The following TBC1D14 variants were observed in gnomAD, a reference collection of about 807,000 sequenced individuals.
The protein encoded by TBC1D14 is TBC1 domain family member 14, also known as TBC1 domain family, member 14.
A neutral mutation model predicts 79.0 loss-of-function variants in TBC1D14; 26 were observed. The ratio of observed to expected loss-of-function variants is 0.33; its 90% confidence interval spans 0.24 to 0.46. The LOEUF is 0.46. Among genes scored for constraint, TBC1D14 ranks in the 20% least tolerant of loss-of-function variants. TBC1D14 has a pLI of 1.00. For missense variants in TBC1D14, 769 were observed against 887.6 expected (o/e 0.87, Z 1.70); for synonymous variants, 394 against 349.9 (o/e 1.13, Z -1.40).
chr4:6,939,565 G>T (rs1712703784), intron 2 of TBC1D14, among the ~76,000 whole-genome samples: 1 of 152,114 alleles, frequency 6.6e-6, no homozygotes, highest in South Asian at 2.1e-4. Flanking sequence ...CCCGGTCCTG[G>T]GGATGTAGTG....
At chr4:6,987,129 G>GA (rs889571212) in intron 3 of TBC1D14, 4 of 1,191,644 alleles carry the variant, frequency 3.4e-6, no homozygotes, top group African/African-American at 3.2e-5. Context: ...GCCCCCTTGG[G>GA]AGTCTCCAGC....
chr4:6,987,503 C>G, intron 3 of TBC1D14: 1 of 649,634 alleles, frequency 1.5e-6, no homozygotes. Flanking sequence ...GCGAGCATCA[C>G]GTGTATCTGT....
intron 12 of TBC1D14, among the ~76,000 whole-genome samples, chr4:7,023,349 T>C (rs1335540946): frequency 6.6e-6 from 1 of 152,214 alleles, no homozygotes; most frequent in Non-Finnish European, 1.5e-5. Context: ...AGGGAGAGTC[T>C]GATTTCCATG....
intron 3 of TBC1D14, among the ~76,000 whole-genome samples, chr4:6,984,131 T>TG (rs1717615594): frequency 6.9e-6 from 1 of 143,982 alleles, no homozygotes; most frequent in Non-Finnish European, 1.5e-5. Context: ...TGGGGTGGGT[T>TG]GGGAAGACTC....
intron 9 of TBC1D14, 149 bp downstream of exon 9, chr4:7,006,875 GA>G: frequency 1.7e-6 from 1 of 602,288 alleles, no homozygotes; most frequent in Admixed American, 3.3e-5. Context: ...AATACATTTA[GA>G]CTTTTTAAAA....
rs565965814 is a variant in TBC1D14 at position 7,015,498 on chromosome 4, A to T, written c.1757+941A>T. ...GCCTGCGGGACATGTGAGTACAGGC[A>T]TCCTGAGACAGATACAAGGATCCTG... is the stretch of plus-strand genomic sequence containing the variant. On this transcript the variant is annotated intron_variant, in intron 12 of 13. Transcript: ENST00000409757. Among the ~76,000 whole-genome samples, 3 of 152,286 alleles carry T rather than the reference A, an allele frequency of 2.0e-5. No individual in the cohort carries two copies. In the South Asian group the frequency reaches 6.2e-4, roughly 32 times the overall value.
intron 13 of TBC1D14, among the ~76,000 whole-genome samples, chr4:7,029,836 AAAG>A (rs1202882391): frequency 3.9e-5 from 6 of 152,182 alleles, no homozygotes; most frequent in Non-Finnish European, 7.4e-5. Context: ...AAAAGAAGAA[AAAG>A]AAGGATGTTG....
At chr4:7,022,179 C>A (rs1721899089) in intron 12 of TBC1D14, among the ~76,000 whole-genome samples, 1 of 152,262 alleles carries the variant, frequency 6.6e-6, no homozygotes, top group South Asian at 2.1e-4. Context: ...GCCCTTGAGG[C>A]ACTTCCAGCC....
chr4:7,006,625 T>C lies in TBC1D14; in HGVS notation c.1352-7T>C, dbSNP rs1456823568. 2.5e-6 allele frequency: 4 copies of C among 1,613,306 alleles called. No individual in the cohort carries two copies. The highest frequency in any genetic ancestry group is 3.4e-6 in the Non-Finnish European group (4 of 1,179,608). On this transcript the variant is annotated splice_region_variant and splice_polypyrimidine_tract_variant and intron_variant, in intron 8 of 13. Transcript: ENST00000409757. ...GGAATGTAATTATTTTTGGCATCTTTTGACAGATGCTGGTTTTTCAGCAGC... is the reference window on the plus strand; with the variant it reads ...GGAATGTAATTATTTTTGGCATCTTCTGACAGATGCTGGTTTTTCAGCAGC...
chr4:6,933,245 T>A (rs1469319959), intron 2 of TBC1D14, among the ~76,000 whole-genome samples: 2 of 7,762 alleles, frequency 2.6e-4, no homozygotes, highest in African/African-American at 4.9e-4. Flanking sequence ...TTACCTCCCC[T>A]CCCCTCCCCT....
chr4:6,952,830 GTTT>G (rs1160331828), intron 2 of TBC1D14, among the ~76,000 whole-genome samples: 3 of 150,950 alleles, frequency 2.0e-5, no homozygotes, highest in African/African-American at 7.3e-5. Context: ...GTTTAGACTA[GTTT>G]TTTTTTGTTG....
At chr4:6,957,324 A>G (rs1265571489) in intron 2 of TBC1D14, among the ~76,000 whole-genome samples, 1 of 152,254 alleles carries the variant, frequency 6.6e-6, no homozygotes, top group Non-Finnish European at 1.5e-5. Flanking sequence ...GTTTACAGTA[A>G]ATTCCATGGG....
rs75626204 is a variant in TBC1D14 at position 7,017,750 on chromosome 4, C to T, written c.1757+3193C>T. Among the ~76,000 whole-genome samples, 215 of 152,280 alleles carry T rather than the reference C, an allele frequency of 1.4e-3. 1 individual carries two copies. Among genetic ancestry groups the T allele is most frequent in the South Asian group, 9.7e-3 (47 of 4,822 alleles). On this transcript the variant is annotated intron_variant, in intron 12 of 13. Transcript: ENST00000409757. Reference sequence around the variant, plus strand: ...CACCAGCTAGGATACAGTCTGTTTTCGCAGTTCCAGTACAGGGCAAGGCAT... The same window carrying T: ...CACCAGCTAGGATACAGTCTGTTTTTGCAGTTCCAGTACAGGGCAAGGCAT...
intron 3 of TBC1D14, among the ~76,000 whole-genome samples, chr4:6,978,295 G>C (rs2109086812): frequency 6.6e-6 from 1 of 151,092 alleles, no homozygotes; most frequent in South Asian, 2.1e-4. Context: ...TTGTGGAATA[G>C]AAAGGGGGGA....
chr4:6,914,898 G>A lies in TBC1D14; in HGVS notation c.-18+4947G>A, dbSNP rs558748601. Among the ~76,000 whole-genome samples the A allele has an allele frequency of 9.9e-5, 15 of 152,250 alleles. No homozygotes were observed. The East Asian group carries it at 2.9e-3, about 29-fold the overall frequency. ...TACTAAAAATACAAAAATTAGCCGGGCGTGGTGGTGGGCGGCTGTAATCCC... is the reference window on the plus strand; with the variant it reads ...TACTAAAAATACAAAAATTAGCCGGACGTGGTGGTGGGCGGCTGTAATCCC... On this transcript the variant is annotated intron_variant, in intron 1 of 13. Transcript: ENST00000409757.
At chr4:6,936,678 A>C (rs575257180) in intron 2 of TBC1D14, among the ~76,000 whole-genome samples, 17 of 152,320 alleles carry the variant, frequency 1.1e-4, no homozygotes, top group Admixed American at 3.3e-4. Flanking sequence ...ATGGTAAAGT[A>C]TGTTTAGTTT....
intron 3 of TBC1D14, among the ~76,000 whole-genome samples, chr4:6,992,045 T>C (rs555223804): frequency 5.1e-4 from 78 of 152,340 alleles, no homozygotes; most frequent in African/African-American, 1.9e-3. Context: ...AGAAAGCTAG[T>C]GGCGCAGACC....
chr4:7,003,316 C>T (rs1719854478), intron 7 of TBC1D14, among the ~76,000 whole-genome samples: 2 of 152,178 alleles, frequency 1.3e-5, no homozygotes, highest in South Asian at 4.1e-4. Context: ...GAAGGGATTC[C>T]CTAGTGGCCA....
chr4:6,986,004 A>G (rs1007062812), intron 3 of TBC1D14, among the ~76,000 whole-genome samples: 9 of 152,234 alleles, frequency 5.9e-5, no homozygotes, highest in Non-Finnish European at 1.0e-4. Context: ...TTCGACATCC[A>G]AAGTTTTATT....
Sources: allele counts gnomAD v4.1 joint callset (sites outside exome capture counted in the v4.1 genomes callset), GRCh38; gene constraint gnomAD v4.1.1; transcripts MANE v1.5; gene names NCBI Gene and HGNC (gene_info 2026-07-23, HGNC 2026-07-21).